The following CACNB2 variants were observed in gnomAD, a reference collection of about 807,000 sequenced individuals.
CACNB2 encodes calcium voltage-gated channel auxiliary subunit beta 2.
In CACNB2, 42 loss-of-function variants were observed where a neutral mutation model predicts 73.3. That is an observed-to-expected ratio of 0.57 (90% CI 0.45 to 0.74). The LOEUF (loss-of-function observed/expected upper bound fraction) is 0.74. CACNB2 is among the 30% of genes least tolerant of loss of function. CACNB2 has a pLI of 0.00. For synonymous variants in CACNB2, 348 were observed against 310.3 expected (o/e 1.12, Z -1.28); for missense variants, 940 against 853.0 (o/e 1.10, Z -1.27).
Position 18,499,617 on chromosome 10 carries a change from G to GA in CACNB2, c.456+1162dup, listed in dbSNP as rs59492615. ...CGACAGAGTGAGATTCTGTCTCAAA[G>GA]AAAAAAAAAAAAAAAAAAAAAAGAA... is the stretch of plus-strand genomic sequence containing the variant. On this transcript the variant is annotated intron_variant, in intron 4 of 13. Coordinates refer to ENST00000324631, the MANE Select transcript of CACNB2 (RefSeq NM_201596.3). 8.1e-3 allele frequency among the ~76,000 whole-genome samples: 808 copies of GA among 99,608 alleles called. 37 individuals carry two copies. The highest frequency in any genetic ancestry group is 0.023 in the African/African-American group (605 of 26,078). 65.3% of individuals were successfully genotyped at this position (99,608 alleles called of 152,430 possible).
At chr10:18,153,357 C>T (rs568019444) in intron 2 of CACNB2, among the ~76,000 whole-genome samples, 10 of 152,162 alleles carry the variant, frequency 6.6e-5, no homozygotes, top group East Asian at 1.9e-4. Flanking sequence ...GGAAAACTAG[C>T]GTCTTTGGCA....
rs568442330 is a variant in CACNB2, at chr10:18,403,185, T to C, written c.333+1142T>C. On this transcript the variant is annotated intron_variant, in intron 3 of 13. Transcript: ENST00000324631. ...TCTTCTCTGAAAGGCAGTTCATAAA[T>C]AGCAGATGCAGGGAGGGTTTTGTGA... is the stretch of plus-strand genomic sequence containing the variant. 1.5e-4 allele frequency among the ~76,000 whole-genome samples: 23 copies of C among 152,310 alleles called. No individual in the cohort carries two copies. The South Asian group carries it at 4.8e-3, about 32-fold the overall frequency.
At chr10:18,427,737 C>A (rs1012730397) in intron 3 of CACNB2, among the ~76,000 whole-genome samples, 2 of 152,096 alleles carry the variant, frequency 1.3e-5, no homozygotes, top group African/African-American at 4.8e-5. Flanking sequence ...TCTATCTCAT[C>A]TAGATTTTCA....
intron 10 of CACNB2, among the ~76,000 whole-genome samples, chr10:18,533,778 C>G (rs1287071597): frequency 6.6e-6 from 1 of 152,192 alleles, no homozygotes; most frequent in Non-Finnish European, 1.5e-5. Flanking sequence ...GAAATGATTT[C>G]ATAGACTGCA....
intron 3 of CACNB2, among the ~76,000 whole-genome samples, chr10:18,487,225 A>G (rs1439943486): frequency 1.3e-5 from 2 of 152,178 alleles, no homozygotes; most frequent in African/African-American, 4.8e-5. Flanking sequence ...AAAAGGGAAG[A>G]TGGAGCCACC....
In CACNB2 at chr10:18,536,101, G is replaced by A. The variant is rs752546853; in HGVS notation, c.1207G>A (p.Val403Ile). 8 of 1,580,830 alleles carry A rather than the reference G, an allele frequency of 5.1e-6. No homozygotes were observed. The highest frequency in any genetic ancestry group is 7.0e-6 in the Non-Finnish European group (8 of 1,150,068). ...IVYVKISSPK[V>I]LQRLIKSRGK... is the part of the protein sequence containing the mutation. Reference sequence around the variant, plus strand: ...GTTAAAAACTCATTATCTTTTACAGGTTTTACAAAGGTTAATAAAATCTCG... The same window carrying A: ...GTTAAAAACTCATTATCTTTTACAGATTTTACAAAGGTTAATAAAATCTCG... The change falls in exon 12 of 14, where the codon GTT (valine) becomes ATT (isoleucine). Residue 403 changes from valine to isoleucine, a missense_variant and splice_region_variant. Val to Ile is a conservative substitution (Grantham distance 29). Coordinates refer to ENST00000324631, the MANE Select transcript of CACNB2 (RefSeq NM_201596.3).
At chr10:18,399,001 C>G (rs1013407809) in intron 2 of CACNB2, among the ~76,000 whole-genome samples, 2 of 152,130 alleles carry the variant, frequency 1.3e-5, no homozygotes, top group African/African-American at 4.8e-5. Flanking sequence ...ACCGGGAATG[C>G]GACCGCGGGA....
chr10:18,162,382 G>GA (rs568326290), intron 2 of CACNB2, among the ~76,000 whole-genome samples: 79 of 146,792 alleles, frequency 5.4e-4, no homozygotes, highest in African/African-American at 1.4e-3. Flanking sequence ...TACTTGTCAG[G>GA]AAAAAAAAAA....
At position 18,454,370 on chromosome 10, in the gene CACNB2, C is replaced by T. The variant is rs572940567; in HGVS notation, c.334-43985C>T. On this transcript the variant is annotated intron_variant, in intron 3 of 13. Coordinates refer to ENST00000324631, the MANE Select transcript of CACNB2 (RefSeq NM_201596.3). ...TGTCATTAATCGCCCCCTTAAGGGG[C>T]CTTTTCTAGGCAGTTTTTTTCCTAA... is the stretch of plus-strand genomic sequence containing the variant. 4.6e-5 allele frequency among the ~76,000 whole-genome samples: 7 copies of T among 152,296 alleles called. No homozygotes were observed. In the East Asian group the frequency reaches 1.2e-3, roughly 25 times the overall value.
intron 2 of CACNB2, among the ~76,000 whole-genome samples, chr10:18,303,989 T>C (rs573756225): frequency 3.0e-4 from 46 of 152,366 alleles, no homozygotes; most frequent in East Asian, 9.6e-4. Flanking sequence ...AGAGTCTTGC[T>C]CTGTCATCCA....
At chr10:18,355,304 A>G (rs997130292) in intron 2 of CACNB2, among the ~76,000 whole-genome samples, 3 of 152,220 alleles carry the variant, frequency 2.0e-5, no homozygotes, top group Admixed American at 2.0e-4. Flanking sequence ...TATCTTTTAC[A>G]AACATTACTT....
At chr10:18,175,770 G>C (rs2033551927) in intron 2 of CACNB2, among the ~76,000 whole-genome samples, 1 of 152,110 alleles carries the variant, frequency 6.6e-6, no homozygotes, top group Non-Finnish European at 1.5e-5. Context: ...GCTAATTTTT[G>C]TATTTTTCGT....
intron 2 of CACNB2, among the ~76,000 whole-genome samples, chr10:18,298,620 T>A (rs1426922928): frequency 6.6e-6 from 1 of 152,146 alleles, no homozygotes; most frequent in Admixed American, 6.5e-5. Flanking sequence ...TATATCCGGT[T>A]TGGGGATTTT....
chr10:18,144,664 C>T (rs2030780245), intron 1 of CACNB2, among the ~76,000 whole-genome samples: 1 of 152,090 alleles, frequency 6.6e-6, no homozygotes, highest in Non-Finnish European at 1.5e-5. Flanking sequence ...GAAATACACA[C>T]CAGATATCAA....
At chr10:18,207,394 A>G (rs1251841255) in intron 2 of CACNB2, among the ~76,000 whole-genome samples, 2 of 152,254 alleles carry the variant, frequency 1.3e-5, no homozygotes. Context: ...TGTCTGACTT[A>G]GAAATTAAAC....
chr10:18,390,106 A>G (rs1241695478), intron 2 of CACNB2, among the ~76,000 whole-genome samples: 1 of 152,188 alleles, frequency 6.6e-6, no homozygotes, highest in Non-Finnish European at 1.5e-5. Flanking sequence ...TTAATTGTTC[A>G]TTGCCACCCG....
intron 3 of CACNB2, among the ~76,000 whole-genome samples, chr10:18,442,593 A>G (rs1173810183): frequency 3.3e-5 from 5 of 151,596 alleles, no homozygotes; most frequent in African/African-American, 7.3e-5. Context: ...TTGGGAGGCC[A>G]AGGAGGGCAG....
Position 18,541,201 on chromosome 10 carries a change from ACTGT to A in CACNB2, c.*1483_*1486del, listed in dbSNP as rs1440883893. ...CCCCACCACCGACTCCAGCAGGTTC[ACTGT>A]CTGTCAGAACCCAGAAGTGCTTCTT... On this transcript the variant is annotated 3_prime_UTR_variant, in exon 14 of 14. Coordinates refer to ENST00000324631, the MANE Select transcript of CACNB2 (RefSeq NM_201596.3). 1 of 152,744 alleles carries A rather than the reference ACTGT, an allele frequency of 6.5e-6. No individual in the cohort carries two copies. The highest frequency in any genetic ancestry group is 2.1e-4 in the South Asian group (1 of 4,834). 9.5% of individuals were successfully genotyped at this position (152,744 alleles called of 1,614,324 possible).
intron 9 of CACNB2, among the ~76,000 whole-genome samples, chr10:18,521,534 C>G (rs1332240387): frequency 6.6e-6 from 1 of 152,178 alleles, no homozygotes; most frequent in Non-Finnish European, 1.5e-5. Flanking sequence ...CCCCCGGTCA[C>G]TATTCAACTT....
Sources: allele counts gnomAD v4.1 joint callset (sites outside exome capture counted in the v4.1 genomes callset), GRCh38; gene constraint gnomAD v4.1.1; transcripts MANE v1.5; gene names NCBI Gene and HGNC (gene_info 2026-07-23, HGNC 2026-07-21).